GRXCR1: variants seen among roughly 807,000 people sequenced by gnomAD.
GRXCR1 encodes glutaredoxin domain-containing cysteine-rich protein 1.
In GRXCR1, 27 loss-of-function variants were observed where a neutral mutation model predicts 27.3. The observed-to-expected ratio is 0.99, with a 90% CI of 0.73 to 1.37. The LOEUF (loss-of-function observed/expected upper bound fraction) is 1.37, where lower values mean the gene tolerates loss of function less well. GRXCR1 is among the 40% of genes most tolerant of loss of function. The probability of loss-of-function intolerance (pLI) is 0.00; values close to 1 mark genes in which losing one functional copy is unlikely to be tolerated. For missense variants in GRXCR1, 379 were observed against 354.4 expected, an observed-to-expected ratio of 1.07 and a Z score of -0.56; for synonymous variants, 122 against 131.1, an observed-to-expected ratio of 0.93 and a Z score of 0.47.
chr4:42,925,368 A>C (rs1747136332), intron 1 of GRXCR1, among the ~76,000 whole-genome samples: 1 of 152,058 alleles, frequency 6.6e-6, no homozygotes, highest in Non-Finnish European at 1.5e-5. Flanking sequence ...CAAGGAATGT[A>C]AAAAACTTGA....
chr4:42,905,064 G>T (rs187309870), intron 1 of GRXCR1, among the ~76,000 whole-genome samples: 1 of 152,176 alleles, frequency 6.6e-6, no homozygotes, highest in Non-Finnish European at 1.5e-5. Flanking sequence ...CTTAGCTGCT[G>T]CCTCCAAACT....
At chr4:42,966,550 A>G (rs1748241886) in intron 2 of GRXCR1, among the ~76,000 whole-genome samples, 1 of 152,082 alleles carries the variant, frequency 6.6e-6, no homozygotes, top group Non-Finnish European at 1.5e-5. Flanking sequence ...TAGAAACACA[A>G]ACTGTAGGTA....
intron 1 of GRXCR1, among the ~76,000 whole-genome samples, chr4:42,929,159 G>T (rs1038886212): frequency 6.6e-6 from 1 of 151,918 alleles, no homozygotes; most frequent in African/African-American, 2.4e-5. Flanking sequence ...ATTGTGCATA[G>T]GTTATGTAAG....
intron 2 of GRXCR1, among the ~76,000 whole-genome samples, chr4:42,967,610 T>G (rs1212695889): frequency 1.3e-5 from 2 of 152,146 alleles, no homozygotes; most frequent in Non-Finnish European, 2.9e-5. Context: ...TTTCTTCATT[T>G]TTAGTCATGT....
At chr4:42,943,034 G>T (rs1747659953) in intron 1 of GRXCR1, among the ~76,000 whole-genome samples, 1 of 151,994 alleles carries the variant, frequency 6.6e-6, no homozygotes, top group Non-Finnish European at 1.5e-5. Context: ...GGCTGGATGT[G>T]GCAAGTTAAT....
At chr4:43,017,050 A>G (rs1230517736) in intron 2 of GRXCR1, among the ~76,000 whole-genome samples, 2 of 152,298 alleles carry the variant, frequency 1.3e-5, no homozygotes, top group East Asian at 3.9e-4. Flanking sequence ...TCATGTATTG[A>G]AGGGTAATGA....
At chr4:42,927,908 A>C (rs1747210493) in intron 1 of GRXCR1, among the ~76,000 whole-genome samples, 1 of 151,976 alleles carries the variant, frequency 6.6e-6, no homozygotes, top group Admixed American at 6.6e-5. Context: ...GAGAGTGGGG[A>C]TTGAGCAGAG....
chr4:42,992,212 G>C (rs759767961), intron 2 of GRXCR1, among the ~76,000 whole-genome samples: 3 of 152,144 alleles, frequency 2.0e-5, no homozygotes, highest in Non-Finnish European at 4.4e-5. Context: ...TTCTTAAGAA[G>C]ATTATAGAAT....
chr4:42,920,029 C>T (rs977695), intron 1 of GRXCR1, among the ~76,000 whole-genome samples: 29,881 of 152,056 alleles, frequency 0.2, 3,648 homozygotes, highest in Admixed American at 0.29. Context: ...CTCAAACCTC[C>T]TAGAGAAGAG....
At chr4:42,987,899 C>A (rs1007324744) in intron 2 of GRXCR1, among the ~76,000 whole-genome samples, 1 of 152,198 alleles carries the variant, frequency 6.6e-6, no homozygotes, top group African/African-American at 2.4e-5. Context: ...AGATTGTAAC[C>A]AATTTCCTTG....
intron 1 of GRXCR1, among the ~76,000 whole-genome samples, chr4:42,958,889 T>G (rs1748069073): frequency 6.6e-6 from 1 of 151,936 alleles, no homozygotes. Context: ...TTACACTTCT[T>G]AGGATGGCTG....
chr4:42,932,984 T>C (rs988748530), intron 1 of GRXCR1, among the ~76,000 whole-genome samples: 2 of 151,818 alleles, frequency 1.3e-5, no homozygotes, highest in Non-Finnish European at 2.9e-5. Flanking sequence ...GAATCATCTA[T>C]ATGATTCTAG....
intron 1 of GRXCR1, among the ~76,000 whole-genome samples, chr4:42,929,370 A>G (rs1383241960): frequency 1.3e-5 from 2 of 152,036 alleles, no homozygotes; most frequent in Non-Finnish European, 2.9e-5. Flanking sequence ...GAAAGAAAAG[A>G]TCACTTTCAG....
intron 1 of GRXCR1, among the ~76,000 whole-genome samples, chr4:42,904,588 T>C (rs1746541982): frequency 6.6e-6 from 1 of 152,182 alleles, no homozygotes; most frequent in South Asian, 2.1e-4. Flanking sequence ...TCTTAGTTTC[T>C]TTATTGGTCA....
chr4:42,939,515 T>G (rs1747555198), intron 1 of GRXCR1, among the ~76,000 whole-genome samples: 1 of 152,054 alleles, frequency 6.6e-6, no homozygotes, highest in Non-Finnish European at 1.5e-5. Context: ...TCTGATTGCT[T>G]TAGCTAGGAC....
At chr4:42,906,142 A>G (rs1215209513) in intron 1 of GRXCR1, among the ~76,000 whole-genome samples, 5 of 152,134 alleles carry the variant, frequency 3.3e-5, no homozygotes, top group Non-Finnish European at 7.4e-5. Context: ...TTATTCTAAC[A>G]CGACAACTTT....
Position 42,937,594 on chromosome 4 carries a change from G to A in GRXCR1, c.385-25298G>A, listed in dbSNP as rs114156487. 1.7e-3 allele frequency among the ~76,000 whole-genome samples: 259 copies of A among 151,828 alleles called. 1 individual carries two copies. Among genetic ancestry groups the A allele is most frequent in the African/African-American group, 6.0e-3 (250 of 41,448 alleles). ...TTTGTATCTGAATCAAGCTAAACAC[G>A]AGTTCATACTGGTGCCCATGACTCT... On this transcript the variant is annotated intron_variant, in intron 1 of 3. Transcript: ENST00000399770.
At chr4:42,901,484 A>G (rs1746459039) in intron 1 of GRXCR1, among the ~76,000 whole-genome samples, 1 of 152,018 alleles carries the variant, frequency 6.6e-6, no homozygotes, top group South Asian at 2.1e-4. Context: ...TGCTTCCACT[A>G]TTACATCTTC....
chr4:42,981,483 C>T (rs533862235), intron 2 of GRXCR1, among the ~76,000 whole-genome samples: 15 of 152,246 alleles, frequency 9.9e-5, no homozygotes, highest in African/African-American at 3.4e-4. Context: ...TACAAACCAC[C>T]ATTACGGTAT....
Sources: allele counts gnomAD v4.1 joint callset (sites outside exome capture counted in the v4.1 genomes callset), GRCh38; gene constraint gnomAD v4.1.1; transcripts MANE v1.5; gene names NCBI Gene and HGNC (gene_info 2026-07-23, HGNC 2026-07-21).